CPT1C: variants seen among roughly 807,000 people sequenced by gnomAD.
The protein encoded by CPT1C is palmitoyl thioesterase CPT1C.
In CPT1C, 61 loss-of-function variants were observed where a neutral mutation model predicts 97.3. That is an observed-to-expected ratio of 0.63 (90% CI 0.51 to 0.78). The LOEUF is 0.78. CPT1C is among the 30% of genes least tolerant of loss of function. The pLI is 0.00. For missense variants in CPT1C, 975 were observed against 1,065.5 expected (o/e 0.92, Z 1.18); for synonymous variants, 469 against 447.2 (o/e 1.05, Z -0.61).
In CPT1C at chr19:49,692,351, C is replaced by T; in HGVS notation, c.99C>T (p.Leu33=). The part of the protein sequence containing the change: ...LSAPVLQEIY[L]SGLRSWKRHL... ...CCCCTGTGCTGCAGGAGATCTACCTCTCTGGCCTGCGCTCCTGGAAAAGGC... is the reference window on the plus strand; with the variant it reads ...CCCCTGTGCTGCAGGAGATCTACCTTTCTGGCCTGCGCTCCTGGAAAAGGC... The change falls in exon 3 of 20, where the codon CTC becomes CTT. Residue 33 remains leucine, a synonymous_variant. Coordinates refer to ENST00000598293, the MANE Select transcript of CPT1C (RefSeq NM_001199753.2). 1 of 1,614,146 alleles carries T rather than the reference C, an allele frequency of 6.2e-7. No individual in the cohort carries two copies.
chr19:49,707,555 A>G lies in CPT1C; in HGVS notation c.1381A>G (p.Asn461Asp). 1 of 1,613,928 alleles carries G rather than the reference A, an allele frequency of 6.2e-7. No individual in the cohort carries two copies. The highest frequency in any genetic ancestry group is 8.5e-7 in the Non-Finnish European group (1 of 1,179,884). ...ATCCTTCACCCTAATCGTCTTCTCT[A>G]ACGGGAAGCTGGGCCTCAGCGTGGA... ...DKSFTLIVFS[N>D]GKLGLSVEHS... The change falls in exon 13 of 20, where the codon AAC (asparagine) becomes GAC (aspartate). Residue 461 changes from asparagine to aspartate, a missense_variant. Physicochemically the swap from Asn to Asp is conservative, Grantham distance 23. Transcript: ENST00000598293.
chr19:49,692,871 G>A (rs1239128755), intron 3 of CPT1C, among the ~76,000 whole-genome samples: 1 of 151,858 alleles, frequency 6.6e-6, no homozygotes, highest in Admixed American at 6.6e-5. Flanking sequence ...GATTATTGGC[G>A]CACGCCACCA....
chr19:49,700,716 T>G lies in CPT1C; in HGVS notation c.314T>G (p.Leu105Arg). Residue 105 changes from leucine (L) to arginine (R), a missense_variant, in exon 5 of 20, where the codon CTG (leucine) becomes CGG (arginine). Physicochemically the swap from Leu to Arg is moderately radical, Grantham distance 102. Around this residue, in one of 3 missense-constraint regions of CPT1C, gnomAD observed 596 missense variants for 603.1 expected, o/e 0.99. Coordinates refer to ENST00000598293, the MANE Select transcript of CPT1C (RefSeq NM_001199753.2). Reference protein sequence around the residue: ...GGQHHGLRGVLAAALFASCLW... With the variant: ...GGQHHGLRGVRAAALFASCLW... ...CAACACCACGGGCTCCGGGGGGTCC[T>G]GGCAGCCGCGCTGTTTGCCTCGTGT... The G allele has an allele frequency of 6.2e-7, 1 of 1,611,306 alleles. No individual in the cohort carries two copies. The highest frequency in any genetic ancestry group is 1.1e-5 in the South Asian group (1 of 91,082).
chr19:49,710,187 C>T lies in CPT1C; in HGVS notation c.1567-133C>T, dbSNP rs2123479920. 1.0e-5 allele frequency: 9 copies of T among 865,592 alleles called. No homozygotes were observed. The East Asian group carries it at 2.0e-4, about 19-fold the overall frequency. The allele number at this position is 865,592 out of a possible 1,614,324, so 53.6% of individuals were successfully genotyped here. A position where few individuals can be genotyped will look rare whatever the true frequency, so the allele number is the denominator to read the frequency against. On this transcript the variant is annotated intron_variant, in intron 14 of 19. Transcript: ENST00000598293. ...TAGTCTCATCCTTCAATTCTCTTCT[C>T]TTCTTTGTCCCCATTTCCATATTCT...
Position 49,706,370 on chromosome 19 carries a change from G to T in CPT1C, c.1300G>T (p.Asp434Tyr). Residue 434 changes from aspartate (D) to tyrosine (Y), a missense_variant, in exon 12 of 20, where the codon GAT (aspartate) becomes TAT (tyrosine). Asp to Tyr is a radical substitution (Grantham distance 160, BLOSUM62 -3). Transcript: ENST00000598293. This position sits in a 1 kb window ranked among gnomAD's most constrained non-coding sequence, Gnocchi z 4.8. ...LTREDPAASL[D>Y]AYAHALLAGR... Reference sequence around the variant, plus strand: ...CAGGGAGGACCCGGCAGCGTCGTTGGATGCCTACGCCCATGCTCTGCTGGC... The same window carrying T: ...CAGGGAGGACCCGGCAGCGTCGTTGTATGCCTACGCCCATGCTCTGCTGGC... 1 of 1,509,066 alleles carries T rather than the reference G, an allele frequency of 6.6e-7. No homozygotes were observed. 93.5% of individuals were successfully genotyped at this position (1,509,066 alleles called of 1,614,324 possible).
intron 3 of CPT1C, among the ~76,000 whole-genome samples, chr19:49,694,168 G>A (rs2082524930): frequency 6.6e-6 from 1 of 152,012 alleles, no homozygotes; most frequent in Admixed American, 6.6e-5. Context: ...ATTCGAGTTG[G>A]GGGAGAAGGC....
rs769486498 is a variant in CPT1C, at chr19:49,708,850, G to A, written c.1566+11G>A. On this transcript the variant is annotated intron_variant, in intron 14 of 19. Transcript: ENST00000598293. ...GACCTTCCAGACCAGGTGAGGCTGGGTTTCTGGGCCTCTCCTCCAAGTCCC... is the reference window on the plus strand; with the variant it reads ...GACCTTCCAGACCAGGTGAGGCTGGATTTCTGGGCCTCTCCTCCAAGTCCC... 10 of 1,556,706 alleles carry A rather than the reference G, an allele frequency of 6.4e-6. No homozygotes were observed. The South Asian group carries it at 1.1e-4, about 17-fold the overall frequency.
Position 49,710,774 on chromosome 19 carries a change from C to T in CPT1C, c.1783C>T (p.Leu595=), listed in dbSNP as rs747506034. 13 of 1,613,958 alleles carry T rather than the reference C, an allele frequency of 8.1e-6. No homozygotes were observed. The highest frequency in any genetic ancestry group is 2.7e-5 in the African/African-American group (2 of 74,926). The change falls in exon 16 of 20, where the codon CTG becomes TTG. Residue 595 remains leucine, a synonymous_variant. Coordinates refer to ENST00000598293, the MANE Select transcript of CPT1C (RefSeq NM_001199753.2). The part of the protein sequence containing the change: ...TYESAMTRLF[L]EGRTETVRSC... ...TGAGTCGGCCATGACTCGCTTATTC[C>T]TGGAAGGCCGGACGGAGACGGTGCG...
intron 3 of CPT1C, among the ~76,000 whole-genome samples, chr19:49,693,813 C>T (rs1415834278): frequency 6.6e-6 from 1 of 152,064 alleles, no homozygotes; most frequent in Non-Finnish European, 1.5e-5. Context: ...AATCCCAACA[C>T]TTTGGGAGGC....
intron 14 of CPT1C, 46 bp from the exon 15 acceptor site, chr19:49,710,274 C>T (rs2083776408): frequency 6.3e-7 from 1 of 1,593,616 alleles, no homozygotes; most frequent in Admixed American, 1.7e-5. Flanking sequence ...TTCACCCTAC[C>T]CCCATCTGTA....
chr19:49,712,916 A>C (rs1438650807), intron 18 of CPT1C, 56 bp from the exon 19 acceptor site: 2 of 1,585,326 alleles, frequency 1.3e-6, no homozygotes, highest in Non-Finnish European at 8.7e-7. Flanking sequence ...ACTCCTGCAT[A>C]GTGGGGGTGG....
chr19:49,712,744 G>C lies in CPT1C; in HGVS notation c.2028G>C (p.Ser676=). ...TGGGCTCCTGTCCTCAGGTCCATTC[G>C]GAGCAGTGGCAGCTGTCCACCAGCC... ...LQSPFLTQVH[S]EQWQLSTSQI... is the part of the protein sequence containing the mutation. The change falls in exon 18 of 20, where the codon TCG becomes TCC. Residue 676 remains serine (S), a synonymous_variant. Transcript: ENST00000598293. The C allele has an allele frequency of 1.9e-6, 3 of 1,613,434 alleles. No individual in the cohort carries two copies. The highest frequency in any genetic ancestry group is 2.5e-6 in the Non-Finnish European group (3 of 1,179,406).
At chr19:49,707,468 G>A in intron 12 of CPT1C, 50 bp from the exon 13 acceptor site, 10 of 1,349,848 alleles carry the variant, frequency 7.4e-6, no homozygotes, top group Non-Finnish European at 9.5e-6. Context: ...AGCACTCTGA[G>A]GTCCCCGTGC....
In CPT1C at chr19:49,705,951, TCCACC is replaced by T; in HGVS notation, c.1008_1012del (p.Phe336LeufsTer31). On this transcript the variant is annotated frameshift_variant, in exon 11 of 20. Coordinates refer to ENST00000598293, the MANE Select transcript of CPT1C (RefSeq NM_001199753.2). LOFTEE classifies it high-confidence loss of function. The stretch of plus-strand genomic sequence containing the variant: ...CATGACAGCCAACACGTGGCTGTCT[TCCACC>T]GGGGCCGATTCTTCCGCATGGGGAC... The T allele has an allele frequency of 6.2e-7, 1 of 1,613,818 alleles. No homozygotes were observed. The highest frequency in any genetic ancestry group is 8.5e-7 in the Non-Finnish European group (1 of 1,179,922).
At chr19:49,694,585 C>T (rs1456537210) in intron 3 of CPT1C, among the ~76,000 whole-genome samples, 4 of 147,412 alleles carry the variant, frequency 2.7e-5, no homozygotes, top group Non-Finnish European at 4.5e-5. Flanking sequence ...GCCAAGATTG[C>T]GCCACTGCAC....
In CPT1C at chr19:49,692,336, G is replaced by A. The variant is rs2082401978; in HGVS notation, c.84G>A (p.Leu28=). 2 of 1,614,100 alleles carry A rather than the reference G, an allele frequency of 1.2e-6. No homozygotes were observed. Among genetic ancestry groups the A allele is most frequent in the Non-Finnish European group, 1.7e-6 (2 of 1,180,008 alleles). The change falls in exon 3 of 20, where the codon CTG becomes CTA. Residue 28 remains leucine, a synonymous_variant. Transcript: ENST00000598293. ...AAGTGGAACTCAGTGCCCCTGTGCTGCAGGAGATCTACCTCTCTGGCCTGC... is the reference window on the plus strand; with the variant it reads ...AAGTGGAACTCAGTGCCCCTGTGCTACAGGAGATCTACCTCTCTGGCCTGC... The part of the protein sequence containing the change: ...GAEVELSAPV[L]QEIYLSGLRS...
At chr19:49,699,846 C>T (rs1230872442) in intron 4 of CPT1C, among the ~76,000 whole-genome samples, 7 of 151,910 alleles carry the variant, frequency 4.6e-5, no homozygotes, top group African/African-American at 7.3e-5. Context: ...CCCAGCTACT[C>T]GGGAGGCTGA....
intron 4 of CPT1C, 92 bp from the exon 5 acceptor site, chr19:49,700,592 A>G: frequency 1.4e-6 from 2 of 1,415,144 alleles, no homozygotes; most frequent in Non-Finnish European, 1.9e-6. Flanking sequence ...TCTGACAGCC[A>G]AAAGATCAGC....
rs1227672453 is a variant in CPT1C at position 49,700,994 on chromosome 19, TG to T, written c.453+140del. On this transcript the variant is annotated intron_variant, in intron 5 of 19. Coordinates refer to ENST00000598293, the MANE Select transcript of CPT1C (RefSeq NM_001199753.2). The stretch of plus-strand genomic sequence containing the variant: ...TCTTCCCCCTCTCTTTCTGGGTCTC[TG>T]TCCTCCTCTGTCCCTGGGTCTCTGT... 6 of 860,630 alleles carry T rather than the reference TG, an allele frequency of 7.0e-6. No individual in the cohort carries two copies. In the African/African-American group the frequency reaches 1.0e-4, roughly 15 times the overall value. 53.3% of individuals were successfully genotyped at this position (860,630 alleles called of 1,614,324 possible). A position where few individuals can be genotyped will look rare whatever the true frequency, so the allele number is the denominator to read the frequency against.
Sources: allele counts gnomAD v4.1 joint callset (sites outside exome capture counted in the v4.1 genomes callset), GRCh38; gene constraint gnomAD v4.1.1; regional missense constraint gnomAD v4.1.1; non-coding constraint Gnocchi (gnomAD v3.1); transcripts MANE v1.5; gene names NCBI Gene and HGNC (gene_info 2026-07-23, HGNC 2026-07-21).